Variants in ZNF69 observed in about 807,000 individuals in gnomAD.
ZNF69 encodes ZNF3.
A neutral mutation model predicts 50.9 loss-of-function variants in ZNF69; 47 were observed. The observed-to-expected ratio is 0.92, with a 90% CI of 0.73 to 1.18. The LOEUF (loss-of-function observed/expected upper bound fraction) is 1.18. ZNF69 is among the 50% of genes most tolerant of loss of function. ZNF69 has a pLI of 0.00. For synonymous variants in ZNF69, 216 were observed against 223.1 expected (o/e 0.97, Z 0.29); for missense variants, 717 against 675.1 (o/e 1.06, Z -0.69).
intron 1 of ZNF69, among the ~76,000 whole-genome samples, chr19:11,899,152 T>A (rs1317718099): frequency 6.6e-6 from 1 of 152,206 alleles, no homozygotes; most frequent in South Asian, 2.1e-4. Context: ...CAAATGGTGA[T>A]GTTCCTGCCT....
At chr19:11,912,575 C>T (rs996703327) in intron 4 of ZNF69, among the ~76,000 whole-genome samples, 2 of 151,926 alleles carry the variant, frequency 1.3e-5, no homozygotes, top group African/African-American at 4.8e-5. Flanking sequence ...CACTTCTTTT[C>T]AATATCATGA....
chr19:11,929,934 A>C, the ZNF69 span, among the ~76,000 whole-genome samples: 5 of 148,090 alleles, frequency 3.4e-5, no homozygotes, highest in East Asian at 3.9e-4. Context: ...AGGTTCCTTT[A>C]TGGAAACTTT....
chr19:11,957,090 A>ACT, the ZNF69 span, among the ~76,000 whole-genome samples: 1,708 of 138,918 alleles, frequency 0.012, 36 homozygotes, highest in South Asian at 0.022. Context: ...GTAAGAAATA[A>ACT]GTTTTTTTTT....
the ZNF69 span, among the ~76,000 whole-genome samples, chr19:11,928,731 C>CAAAAAAAA: frequency 1.9e-5 from 1 of 53,452 alleles, no homozygotes; most frequent in Non-Finnish European, 3.9e-5. Context: ...GACTCCGTCT[C>CAAAAAAAA]AAAAAAAAAA....
the ZNF69 span, among the ~76,000 whole-genome samples, chr19:11,927,722 T>C: frequency 6.6e-6 from 1 of 152,210 alleles, no homozygotes; most frequent in Non-Finnish European, 1.5e-5. Context: ...AAAGCACATA[T>C]TGTTATAGGT....
At chr19:11,957,564 G>T in the ZNF69 span, among the ~76,000 whole-genome samples, 1 of 152,114 alleles carries the variant, frequency 6.6e-6, no homozygotes. Flanking sequence ...TTCAGGGGTG[G>T]CTGGGTGTGG....
chr19:11,919,350 A>T, the ZNF69 span, among the ~76,000 whole-genome samples: 1 of 150,782 alleles, frequency 6.6e-6, no homozygotes, highest in East Asian at 1.9e-4. Context: ...CTCCTTTGTG[A>T]CTCTTGCTCC....
the ZNF69 span, among the ~76,000 whole-genome samples, chr19:11,937,484 TC>T: frequency 6.8e-6 from 1 of 146,490 alleles, no homozygotes; most frequent in East Asian, 1.9e-4. Flanking sequence ...TTTCTTTTTT[TC>T]TTTCCTTTTT....
chr19:11,929,805 A>G, the ZNF69 span, among the ~76,000 whole-genome samples: 5 of 148,202 alleles, frequency 3.4e-5, 1 homozygote, highest in African/African-American at 5.3e-5. Flanking sequence ...GTTTCTGAAC[A>G]TTTCACATGA....
chr19:11,903,477 A>T, intron 1 of ZNF69, 96 bp from the exon 2 acceptor site: 2 of 1,556,862 alleles, frequency 1.3e-6, no homozygotes, highest in East Asian at 4.5e-5. Flanking sequence ...TGACCCTTGG[A>T]GTCCACGGCA....
At chr19:11,925,327 G>T in the ZNF69 span, 1 of 1,600,794 alleles carries the variant, frequency 6.2e-7, no homozygotes, top group Non-Finnish European at 8.5e-7. Flanking sequence ...CCTGGAACAG[G>T]CGGGAACCGG....
the ZNF69 span, chr19:11,956,554 G>A: frequency 2.5e-6 from 1 of 398,464 alleles, no homozygotes; most frequent in Admixed American, 4.4e-5. Context: ...AACCTACAAA[G>A]AGAGGTCATT....
chr19:11,910,825 A>G (rs532345851), downstream of ZNF69, among the ~76,000 whole-genome samples: 1 of 152,342 alleles, frequency 6.6e-6, no homozygotes, highest in African/African-American at 2.4e-5. Flanking sequence ...GACAAATGGG[A>G]TCTAATTAAA....
At chr19:11,949,972 T>C in the ZNF69 span, 1 of 1,614,094 alleles carries the variant, frequency 6.2e-7, no homozygotes, top group Non-Finnish European at 8.5e-7. Context: ...ACCCTATGAA[T>C]GTAAGGAATG....
chr19:11,905,191 T>C lies in ZNF69; in HGVS notation c.794T>C (p.Ile265Thr). 6.2e-7 allele frequency: 1 copy of C among 1,614,066 alleles called. No homozygotes were observed. Among genetic ancestry groups the C allele is most frequent in the South Asian group, 1.1e-5 (1 of 91,080 alleles). Residue 265 changes from isoleucine to threonine, a missense_variant, in exon 4 of 4, where the codon ATA becomes ACA. Physicochemically the swap from Ile to Thr is moderately conservative, Grantham distance 89. Coordinates refer to ENST00000429654, the MANE Select transcript of ZNF69 (RefSeq NM_001364730.1). The stretch of plus-strand genomic sequence containing the variant: ...TTTAGTTATTCTGCTACCCTTCGAA[T>C]ACACGAAAGAACTCACACTGGAGAA... The part of the protein sequence containing the change: ...KSFSYSATLR[I>T]HERTHTGEKP...
chr19:11,978,270 A>C, the ZNF69 span: 1 of 1,614,016 alleles, frequency 6.2e-7, no homozygotes, highest in Non-Finnish European at 8.5e-7. Flanking sequence ...AGAAGTTGGC[A>C]TAGGTAACTC....
downstream of ZNF69, among the ~76,000 whole-genome samples, chr19:11,910,160 C>G (rs538405310): frequency 2.0e-5 from 3 of 151,974 alleles, no homozygotes. Flanking sequence ...CACTGCTCAA[C>G]GAAATCAAAG....
the ZNF69 span, among the ~76,000 whole-genome samples, chr19:11,975,538 C>G: frequency 3.9e-5 from 6 of 152,114 alleles, no homozygotes. Flanking sequence ...GCTGAGACTA[C>G]AGGCGCCCGC....
the ZNF69 span, chr19:11,949,739 C>T: frequency 2.5e-6 from 4 of 1,613,848 alleles, no homozygotes; most frequent in Admixed American, 3.3e-5. Context: ...TGTGGGAAAG[C>T]CTTCAGATCT....
Sources: allele counts gnomAD v4.1 joint callset (sites outside exome capture counted in the v4.1 genomes callset), GRCh38; gene constraint gnomAD v4.1.1; transcripts MANE v1.5; gene names NCBI Gene and HGNC (gene_info 2026-07-23, HGNC 2026-07-21).